The following ARAP1 variants were observed in gnomAD, a reference collection of about 807,000 sequenced individuals.
The protein encoded by ARAP1 is ArfGAP with RhoGAP domain, ankyrin repeat and PH domain 1, also known as arf-GAP with Rho-GAP domain, ANK repeat and PH domain-containing protein 1.
A neutral mutation model predicts 172.2 loss-of-function variants in ARAP1; 76 were observed. The observed-to-expected ratio is 0.44, with a 90% CI of 0.37 to 0.53. The LOEUF is 0.53. ARAP1 is among the 20% of genes least tolerant of loss of function. The pLI is 0.00. For missense variants in ARAP1, 1,686 were observed against 1,977.5 expected (o/e 0.85, Z 2.80); for synonymous variants, 804 against 803.3 (o/e 1.00, Z -0.01).
At position 72,695,193 on chromosome 11, in the gene ARAP1, A is replaced by T; in HGVS notation, c.3577-96T>A. ...CTCAGAGCCTGAGCCCATCCTTCTC[A>T]GGCCCTTCTGGAGTCCTGGGATAGA... On this transcript the variant is annotated intron_variant, in intron 26 of 34. Transcript: ENST00000393609. This position sits in a 1 kb window ranked among gnomAD's most constrained non-coding sequence, Gnocchi z 4.4. 2 of 1,434,950 alleles carry T rather than the reference A, an allele frequency of 1.4e-6. No individual in the cohort carries two copies. The highest frequency in any genetic ancestry group is 1.9e-6 in the Non-Finnish European group (2 of 1,032,108). The allele number at this position is 1,434,950 out of a possible 1,614,324, so 88.9% of individuals were successfully genotyped here.
chr11:72,740,052 T>C (rs1858154626), intron 1 of ARAP1, among the ~76,000 whole-genome samples: 1 of 152,168 alleles, frequency 6.6e-6, no homozygotes, highest in Non-Finnish European at 1.5e-5. Context: ...AGGTGGGGCC[T>C]TTAGGCAAAT....
chr11:72,739,871 C>T (rs1858149661), intron 1 of ARAP1, among the ~76,000 whole-genome samples: 1 of 152,216 alleles, frequency 6.6e-6, no homozygotes, highest in Non-Finnish European at 1.5e-5. Context: ...ATGACTACCA[C>T]AGCCTACCTC....
intron 3 of ARAP1, chr11:72,722,081 T>A (rs1339557349): frequency 1.0e-6 from 1 of 985,394 alleles, no homozygotes; most frequent in Non-Finnish European, 1.2e-6. Flanking sequence ...TAAGTGTTTG[T>A]GAATCACTTC....
chr11:72,712,255 G>A lies in ARAP1; in HGVS notation c.963C>T (p.Gly321=). ...TGATGACTGGTGTGACGGGGGTGGA[G>A]CCCCCAGGCGGCCCGTCCATGGGGT... ...APHPMDGPPG[G]STPVTPVIKA... is the part of the protein sequence containing the mutation. The change falls in exon 7 of 35, where the codon GGC becomes GGT. Residue 321 remains glycine (G), a synonymous_variant. Transcript: ENST00000393609. 1 of 1,605,842 alleles carries A rather than the reference G, an allele frequency of 6.2e-7. No individual in the cohort carries two copies. The highest frequency in any genetic ancestry group is 1.1e-5 in the South Asian group (1 of 90,088).
At chr11:72,688,018 G>T (rs76519069) in intron 31 of ARAP1, among the ~76,000 whole-genome samples, 1 of 147,908 alleles carries the variant, frequency 6.8e-6, no homozygotes, top group Non-Finnish European at 1.5e-5. Context: ...TTTTTTTTTT[G>T]AGATAGGCTC....
chr11:72,744,706 C>T (rs1858301060), intron 1 of ARAP1, among the ~76,000 whole-genome samples: 1 of 152,184 alleles, frequency 6.6e-6, no homozygotes, highest in African/African-American at 2.4e-5. Flanking sequence ...CCTCAGGCAA[C>T]ATTAGAGATA....
At position 72,725,340 on chromosome 11, in the gene ARAP1, C is replaced by T. The variant is rs776938755; in HGVS notation, c.509+1280G>A. On this transcript the variant is annotated intron_variant, in intron 3 of 34. Transcript: ENST00000393609. The surrounding 1 kb of genome is among the most constrained non-coding windows in gnomAD (Gnocchi z 4.3). ...TCTCTTTTTCTCTCTCTCTCTCCCC[C>T]CCACAAGCTGATGGGGTTGAAATAG... 2.7e-5 allele frequency among the ~76,000 whole-genome samples: 4 copies of T among 150,890 alleles called. No homozygotes were observed. The highest frequency in any genetic ancestry group is 9.7e-5 in the African/African-American group (4 of 41,400).
chr11:72,697,280 T>A (rs1441251663), intron 21 of ARAP1, 43 bp downstream of exon 21: 7 of 1,579,850 alleles, frequency 4.4e-6, no homozygotes, highest in Non-Finnish European at 6.0e-6. Flanking sequence ...GGGAGGCGGC[T>A]CTCCGGGAGG....
At chr11:72,730,977 A>G (rs1857847984) in intron 2 of ARAP1, among the ~76,000 whole-genome samples, 1 of 152,238 alleles carries the variant, frequency 6.6e-6, no homozygotes, top group African/African-American at 2.4e-5. Flanking sequence ...CTGTTAAAGG[A>G]GTAAAGAAAA....
intron 18 of ARAP1, among the ~76,000 whole-genome samples, chr11:72,698,597 G>A (rs1027836495): frequency 1.3e-5 from 2 of 152,156 alleles, no homozygotes; most frequent in African/African-American, 4.8e-5. Context: ...GGACCCCACA[G>A]GCACCTGGCT....
intron 1 of ARAP1, among the ~76,000 whole-genome samples, chr11:72,749,344 T>C (rs1337226270): frequency 6.6e-6 from 1 of 152,218 alleles, no homozygotes; most frequent in Non-Finnish European, 1.5e-5. Flanking sequence ...ATCTGTAGAA[T>C]GTCACCTAAT....
intron 2 of ARAP1, among the ~76,000 whole-genome samples, chr11:72,732,281 TG>T (rs1857890847): frequency 6.6e-6 from 1 of 152,350 alleles, no homozygotes; most frequent in South Asian, 2.1e-4. Flanking sequence ...TTCAGCCTGC[TG>T]GCCCCTGCCT....
At position 72,693,675 on chromosome 11, in the gene ARAP1, C is replaced by T. The variant is rs1856040187; in HGVS notation, c.3808+17G>A. ...GAGGACCACCCGGAGCCTGGCCACCCTGCAGGCACCACCTACCCAGGTACA... is the reference window on the plus strand; with the variant it reads ...GAGGACCACCCGGAGCCTGGCCACCTTGCAGGCACCACCTACCCAGGTACA... On this transcript the variant is annotated intron_variant, in intron 28 of 34. Transcript: ENST00000393609. This position sits in a 1 kb window ranked among gnomAD's most constrained non-coding sequence, Gnocchi z 4.6. 6.3e-7 allele frequency: 1 copy of T among 1,589,262 alleles called. No individual in the cohort carries two copies. The highest frequency in any genetic ancestry group is 8.6e-7 in the Non-Finnish European group (1 of 1,167,402).
In ARAP1 at chr11:72,686,077, G is replaced by C. The variant is rs557380628; in HGVS notation, c.4300C>G (p.Arg1434Gly). The C allele has an allele frequency of 6.2e-7, 1 of 1,614,072 alleles. No homozygotes were observed. Among genetic ancestry groups the C allele is most frequent in the Non-Finnish European group, 8.5e-7 (1 of 1,180,036 alleles). The change falls in exon 34 of 35, where the codon CGG (arginine) becomes GGG (glycine). Residue 1434 changes from arginine (R) to glycine (G), a missense_variant. By Grantham distance (125) the Arg-to-Gly change is moderately radical. Coordinates refer to ENST00000393609, the MANE Select transcript of ARAP1 (RefSeq NM_001040118.3). ...PLRGSENEMR[R>G]SVAAFTADPL... Reference sequence around the variant, plus strand: ...TCCGCGGTGAAGGCAGCCACACTCCGGCGCATTTCATTTTCACTACCTCGA... The same window carrying C: ...TCCGCGGTGAAGGCAGCCACACTCCCGCGCATTTCATTTTCACTACCTCGA...
At chr11:72,721,662 A>G (rs1482910865) in intron 3 of ARAP1, among the ~76,000 whole-genome samples, 2 of 152,150 alleles carry the variant, frequency 1.3e-5, no homozygotes, top group African/African-American at 4.8e-5. Flanking sequence ...AGAAAAGGAA[A>G]AGGCAGGGGA....
rs566846688 is a variant in ARAP1 at position 72,710,682 on chromosome 11, A to G, written c.1214-95T>C. The G allele has an allele frequency of 1.5e-6, 2 of 1,302,908 alleles. No homozygotes were observed. The highest frequency in any genetic ancestry group is 2.1e-6 in the Non-Finnish European group (2 of 969,556). 80.7% of individuals were successfully genotyped at this position (1,302,908 alleles called of 1,614,324 possible). A position where few individuals can be genotyped will look rare whatever the true frequency, so the allele number is the denominator to read the frequency against. ...CTCCTCATGCAACACCTCCTCCAGA[A>G]AGCCCACTCAGATGCCCCCATCATT... On this transcript the variant is annotated intron_variant, in intron 9 of 34. Transcript: ENST00000393609. The surrounding 1 kb of genome is among the most constrained non-coding windows in gnomAD (Gnocchi z 4.3).
intron 3 of ARAP1, among the ~76,000 whole-genome samples, chr11:72,720,836 C>T (rs535048187): frequency 6.6e-6 from 1 of 152,260 alleles, no homozygotes; most frequent in South Asian, 2.1e-4. Flanking sequence ...TCCATCAAAC[C>T]GCTCCCTCCC....
chr11:72,732,304 C>A (rs911846281), intron 2 of ARAP1, among the ~76,000 whole-genome samples: 4 of 152,178 alleles, frequency 2.6e-5, no homozygotes, highest in African/African-American at 9.7e-5. Flanking sequence ...GTCCCTCTGT[C>A]TCGTACCCCC....
At position 72,695,478 on chromosome 11, in the gene ARAP1, T is replaced by A; in HGVS notation, c.3508-23A>T. Reference sequence around the variant, plus strand: ...ATGCTGCAGGGAGACAGGGCTCAGCTGGGGGCCTAGGAAATGGGTGCAGGT... The same window carrying A: ...ATGCTGCAGGGAGACAGGGCTCAGCAGGGGGCCTAGGAAATGGGTGCAGGT... On this transcript the variant is annotated intron_variant, in intron 25 of 34. Transcript: ENST00000393609. The surrounding 1 kb of genome is among the most constrained non-coding windows in gnomAD (Gnocchi z 4.4). The A allele has an allele frequency of 1.9e-6, 3 of 1,614,200 alleles. No individual in the cohort carries two copies. Among genetic ancestry groups the A allele is most frequent in the Non-Finnish European group, 2.5e-6 (3 of 1,180,026 alleles).
Sources: gnomAD v4.1 joint callset for allele counts (sites outside exome capture counted in the v4.1 genomes callset) on GRCh38, gnomAD v4.1.1 for gene constraint, Gnocchi (gnomAD v3.1) non-coding constraint, MANE v1.5 for transcripts, NCBI Gene and HGNC (gene_info 2026-07-23, HGNC 2026-07-21) for gene names.